The following ATP6V0D2 variants were observed in gnomAD, a reference collection of about 807,000 sequenced individuals.
The protein encoded by ATP6V0D2 is ATPase H+ transporting V0 subunit d2.
In ATP6V0D2, 40 loss-of-function variants were observed where a neutral mutation model predicts 40.0. That is an observed-to-expected ratio of 1.00 (90% CI 0.78 to 1.30). ATP6V0D2 has a LOEUF of 1.30. Among genes scored for constraint, ATP6V0D2 ranks in the 50% most tolerant of loss-of-function variants. ATP6V0D2 has a pLI of 0.00. For missense variants in ATP6V0D2, 470 were observed against 423.1 expected (o/e 1.11, Z -0.97); for synonymous variants, 179 against 156.3 (o/e 1.15, Z -1.08).
intron 2 of ATP6V0D2, among the ~76,000 whole-genome samples, chr8:86,120,212 AT>A (rs1818650685): frequency 2.0e-5 from 3 of 152,182 alleles, no homozygotes; most frequent in Non-Finnish European, 4.4e-5. Flanking sequence ...CCTGGTGAAC[AT>A]AGTGACACCC....
At chr8:86,149,055 G>GAAA (rs1376369799) in intron 5 of ATP6V0D2, among the ~76,000 whole-genome samples, 10 of 110,102 alleles carry the variant, frequency 9.1e-5, no homozygotes, top group South Asian at 3.3e-4. Flanking sequence ...TCCAAAGGAA[G>GAAA]AAAAAAAAAA....
Position 86,123,422 on chromosome 8 carries a change from G to A in ATP6V0D2, c.302+9542G>A, listed in dbSNP as rs74997309. ...GCTTCGCAAAGTGAGGGAGCTGATC[G>A]GATGTATATCTTAGGAAGATGATTT... On this transcript the variant is annotated intron_variant, in intron 2 of 7. Coordinates refer to ENST00000285393, the MANE Select transcript of ATP6V0D2 (RefSeq NM_152565.1). Among the ~76,000 whole-genome samples, 18 of 152,154 alleles carry A rather than the reference G, an allele frequency of 1.2e-4. No homozygotes were observed. In the East Asian group the frequency reaches 2.5e-3, roughly 21 times the overall value.
chr8:86,114,829 C>T (rs1230391850), intron 2 of ATP6V0D2, among the ~76,000 whole-genome samples: 1 of 152,072 alleles, frequency 6.6e-6, no homozygotes. Flanking sequence ...CAAAGACACA[C>T]AAATAAATGA....
rs779239449 is a variant in ATP6V0D2, at chr8:86,139,500, G to A, written c.346G>A (p.Ala116Thr). Residue 116 changes from alanine (A) to threonine (T), a missense_variant, in exon 3 of 8, where the codon GCA becomes ACA. Coordinates refer to ENST00000285393, the MANE Select transcript of ATP6V0D2 (RefSeq NM_152565.1). ...CAATGTGATTCTGCTGATGAATGGTGCATTGCAGAAAAAATCTGTGAAAGA... is the reference window on the plus strand; with the variant it reads ...CAATGTGATTCTGCTGATGAATGGTACATTGCAGAAAAAATCTGTGAAAGA... ...IDNVILLMNG[A>T]LQKKSVKEIL... is the part of the protein sequence containing the mutation. 2 of 1,613,594 alleles carry A rather than the reference G, an allele frequency of 1.2e-6. No homozygotes were observed. The highest frequency in any genetic ancestry group is 1.7e-6 in the Non-Finnish European group (2 of 1,179,790).
chr8:86,120,281 G>T (rs938841251), intron 2 of ATP6V0D2, among the ~76,000 whole-genome samples: 1 of 152,020 alleles, frequency 6.6e-6, no homozygotes, highest in African/African-American at 2.4e-5. Flanking sequence ...CATACCTGTA[G>T]TCCCAGTTAC....
chr8:86,107,689 G>C (rs1052863440), intron 1 of ATP6V0D2, among the ~76,000 whole-genome samples: 7 of 152,158 alleles, frequency 4.6e-5, no homozygotes, highest in Admixed American at 4.6e-4. Flanking sequence ...ACAATTCTTA[G>C]GAAAGATTAA....
intron 6 of ATP6V0D2, among the ~76,000 whole-genome samples, chr8:86,151,127 A>G (rs572491111): frequency 1.3e-5 from 2 of 152,314 alleles, no homozygotes; most frequent in Non-Finnish European, 2.9e-5. Context: ...AGAACCATGA[A>G]CCCTTACTGA....
At chr8:86,133,172 C>T (rs1818849426) in intron 2 of ATP6V0D2, among the ~76,000 whole-genome samples, 4 of 152,058 alleles carry the variant, frequency 2.6e-5, no homozygotes, top group South Asian at 4.2e-4. Context: ...GATTTTCCTT[C>T]GGGTTGCCTC....
chr8:86,152,718 A>G (rs1306443689), intron 7 of ATP6V0D2, 98 bp from the exon 8 acceptor site: 3 of 1,237,214 alleles, frequency 2.4e-6, no homozygotes, highest in Non-Finnish European at 3.3e-6. Flanking sequence ...TTAAACACAA[A>G]TAAGCACTGC....
chr8:86,133,392 G>A (rs1001724144), intron 2 of ATP6V0D2, among the ~76,000 whole-genome samples: 2 of 136,720 alleles, frequency 1.5e-5, no homozygotes, highest in African/African-American at 5.7e-5. Context: ...GCACCATCTC[G>A]GCTCACTGCA....
At chr8:86,145,309 GAAAA>G (rs1563566281) in intron 5 of ATP6V0D2, among the ~76,000 whole-genome samples, 80 of 76,672 alleles carry the variant, frequency 1.0e-3, no homozygotes, top group Middle Eastern at 7.6e-3. Context: ...AAGAAAGAAA[GAAAA>G]GAAAGAAGGA....
At chr8:86,117,071 A>C (rs7837251) in intron 2 of ATP6V0D2, among the ~76,000 whole-genome samples, 97,297 of 151,998 alleles carry the variant, frequency 0.64, 31,772 homozygotes, top group Non-Finnish European at 0.72. Flanking sequence ...TATAACAGCT[A>C]TTTGTAAATT....
intron 2 of ATP6V0D2, among the ~76,000 whole-genome samples, chr8:86,116,715 C>G (rs1352075977): frequency 6.6e-6 from 1 of 152,016 alleles, no homozygotes; most frequent in Non-Finnish European, 1.5e-5. Flanking sequence ...CTATGCAGGT[C>G]TTGAACTTAT....
chr8:86,133,565 C>G (rs1586097491), intron 2 of ATP6V0D2, among the ~76,000 whole-genome samples: 2 of 151,976 alleles, frequency 1.3e-5, no homozygotes, highest in South Asian at 4.2e-4. Flanking sequence ...TTGTGATACA[C>G]CCACCTCAGC....
intron 1 of ATP6V0D2, among the ~76,000 whole-genome samples, chr8:86,101,958 G>A (rs1818404873): frequency 6.6e-6 from 1 of 152,094 alleles, no homozygotes; most frequent in Admixed American, 6.6e-5. Flanking sequence ...CCATGTTTAG[G>A]TTATCATGAC....
At chr8:86,144,280 C>A (rs1301733183) in intron 5 of ATP6V0D2, among the ~76,000 whole-genome samples, 1 of 152,194 alleles carries the variant, frequency 6.6e-6, no homozygotes, top group Non-Finnish European at 1.5e-5. Flanking sequence ...ATTCCTCTTG[C>A]TAGTAAATAA....
At chr8:86,128,501 A>G (rs1473906623) in intron 2 of ATP6V0D2, among the ~76,000 whole-genome samples, 1 of 152,254 alleles carries the variant, frequency 6.6e-6, no homozygotes, top group Non-Finnish European at 1.5e-5. Context: ...GTTCAGACTG[A>G]GTATTGAGGT....
intron 2 of ATP6V0D2, among the ~76,000 whole-genome samples, chr8:86,137,864 C>T (rs1390063236): frequency 6.6e-6 from 1 of 152,120 alleles, no homozygotes; most frequent in African/African-American, 2.4e-5. Context: ...TCTGGTTTCT[C>T]GTCTATAAAA....
chr8:86,150,170 G>C lies in ATP6V0D2; in HGVS notation c.698G>C (p.Ser233Thr). 1 of 1,613,524 alleles carries C rather than the reference G, an allele frequency of 6.2e-7. No individual in the cohort carries two copies. Among genetic ancestry groups the C allele is most frequent in the South Asian group, 1.1e-5 (1 of 91,048 alleles). Reference sequence around the variant, plus strand: ...CTTAACTCCTTTGGCACTGAATTGAGCAAAGAAGACCGAGAGACCCTCTAT... The same window carrying C: ...CTTAACTCCTTTGGCACTGAATTGACCAAAGAAGACCGAGAGACCCTCTAT... ...ITLNSFGTEL[S>T]KEDRETLYPT... Residue 233 changes from serine (S) to threonine (T), a missense_variant, in exon 6 of 8, where the codon AGC (serine) becomes ACC (threonine). By Grantham distance (58) the Ser-to-Thr change is moderately conservative (BLOSUM62 1). Coordinates refer to ENST00000285393, the MANE Select transcript of ATP6V0D2 (RefSeq NM_152565.1).
Sources: allele counts gnomAD v4.1 joint callset (sites outside exome capture counted in the v4.1 genomes callset), GRCh38; gene constraint gnomAD v4.1.1; transcripts MANE v1.5; gene names NCBI Gene and HGNC (gene_info 2026-07-23, HGNC 2026-07-21).